Variants in WNK1 observed in about 807,000 individuals in gnomAD.
The protein encoded by WNK1 is WNK lysine deficient protein kinase 1.
A neutral mutation model predicts 222.8 loss-of-function variants in WNK1; 38 were observed. That is an observed-to-expected ratio of 0.17 (90% CI 0.13 to 0.22). WNK1 has a LOEUF of 0.22. Ranked by LOEUF, WNK1 falls within the 10% of genes least tolerant of loss-of-function variation. The pLI is 1.00. For synonymous variants in WNK1, 1,090 were observed against 1,092.9 expected, an observed-to-expected ratio of 1.00 and a Z score of 0.05; for missense variants, 2,348 against 2,918.4, an observed-to-expected ratio of 0.80 and a Z score of 4.50.
At chr12:883,085 T>G in intron 15 of WNK1, 26 bp downstream of exon 15, 1 of 1,502,188 alleles carries the variant, frequency 6.7e-7, no homozygotes, top group Non-Finnish European at 9.3e-7. Context: ...GAGTTCTAGG[T>G]TTTTCCTTAG....
chr12:758,148 G>A (rs1485746139), intron 1 of WNK1, among the ~76,000 whole-genome samples: 2 of 146,120 alleles, frequency 1.4e-5, no homozygotes, highest in Non-Finnish European at 3.0e-5. Context: ...CACATGATGC[G>A]TTATATGTTG....
chr12:875,216 G>A (rs1952497994), intron 9 of WNK1, among the ~76,000 whole-genome samples: 1 of 152,102 alleles, frequency 6.6e-6, no homozygotes, highest in Non-Finnish European at 1.5e-5. Context: ...ATGTATTGGG[G>A]GCTGGGAGCA....
intron 1 of WNK1, among the ~76,000 whole-genome samples, chr12:789,638 T>C (rs1944655375): frequency 6.6e-6 from 1 of 150,840 alleles, no homozygotes; most frequent in Non-Finnish European, 1.5e-5. Context: ...GCTCAAGCAG[T>C]CCTCCCACTG....
chr12:762,947 T>C (rs528164974), intron 1 of WNK1, among the ~76,000 whole-genome samples: 5 of 146,508 alleles, frequency 3.4e-5, no homozygotes, highest in Admixed American at 3.4e-4. Context: ...GGTTTCTCCA[T>C]GTTGGTCAGG....
At chr12:762,063 T>A (rs1344213019) in intron 1 of WNK1, among the ~76,000 whole-genome samples, 3 of 19,098 alleles carry the variant, frequency 1.6e-4, no homozygotes, top group Admixed American at 5.1e-4. Flanking sequence ...TTTAATTTAA[T>A]TTTTTTTTTT....
intron 4 of WNK1, among the ~76,000 whole-genome samples, chr12:837,503 G>GTGACTTGA: frequency 6.6e-6 from 1 of 151,554 alleles, no homozygotes; most frequent in African/African-American, 2.4e-5. Context: ...GAACCCGGGA[G>GTGACTTGA]GCAGAGGTTG....
At chr12:894,116 G>A (rs1333383916) in intron 22 of WNK1, among the ~76,000 whole-genome samples, 1 of 152,102 alleles carries the variant, frequency 6.6e-6, no homozygotes, top group Non-Finnish European at 1.5e-5. Flanking sequence ...TACTCAGGAG[G>A]CTGAGGCAGG....
At chr12:779,683 T>C (rs988191140) in intron 1 of WNK1, among the ~76,000 whole-genome samples, 4 of 152,230 alleles carry the variant, frequency 2.6e-5, no homozygotes, top group African/African-American at 9.6e-5. Flanking sequence ...ATTACAGGCG[T>C]GAGCCACCGC....
At chr12:901,399 A>G (rs544528068) in intron 26 of WNK1, among the ~76,000 whole-genome samples, 1 of 152,326 alleles carries the variant, frequency 6.6e-6, no homozygotes, top group East Asian at 1.9e-4. Context: ...ATTAAGACCT[A>G]ATATTTCATC....
chr12:763,090 C>A (rs1236157390), intron 1 of WNK1, among the ~76,000 whole-genome samples: 1 of 147,140 alleles, frequency 6.8e-6, no homozygotes, highest in African/African-American at 2.4e-5. Context: ...GTTTGCAAGA[C>A]CTCCCGTGGA....
chr12:792,480 AT>A (rs1344937493), intron 1 of WNK1, among the ~76,000 whole-genome samples: 1 of 151,442 alleles, frequency 6.6e-6, no homozygotes. Flanking sequence ...CGCCCAGCTA[AT>A]TTTTTTGTAC....
Position 884,154 on chromosome 12 carries a change from A to G in WNK1, c.3755A>G (p.His1252Arg). ...IPTSSLTQVV[H>R]SAGRRFIVSP... is the part of the protein sequence containing the mutation. ...ACCAGTTCTTTAACTCAAGTTGTTC[A>G]TTCTGCGGGAAGGCGGTTTATAGTG... Residue 1252 changes from histidine to arginine, a missense_variant, in exon 18 of 28, where the codon CAT (histidine) becomes CGT (arginine). Physicochemically the swap from His to Arg is conservative, Grantham distance 29. This residue lies in a region of WNK1 where 1,144 missense variants were observed against 1,273.6 expected (regional missense o/e 0.90). Transcript: ENST00000315939. The surrounding 1 kb of genome is among the most constrained non-coding windows in gnomAD (Gnocchi z 5.6). 1 of 1,614,180 alleles carries G rather than the reference A, an allele frequency of 6.2e-7. No individual in the cohort carries two copies. Among genetic ancestry groups the G allele is most frequent in the Non-Finnish European group, 8.5e-7 (1 of 1,180,030 alleles).
intron 1 of WNK1, among the ~76,000 whole-genome samples, chr12:766,656 T>C (rs1233284311): frequency 6.6e-6 from 1 of 151,936 alleles, no homozygotes; most frequent in Non-Finnish European, 1.5e-5. Flanking sequence ...TTTTTGTTTT[T>C]TTAGTAGAGA....
chr12:800,690 A>C (rs1268077565), intron 1 of WNK1, among the ~76,000 whole-genome samples: 2 of 152,150 alleles, frequency 1.3e-5, no homozygotes, highest in Admixed American at 6.6e-5. Flanking sequence ...GCTCATAGTA[A>C]GCCTCATTAC....
chr12:897,549 G>C lies in WNK1; in HGVS notation c.6316G>C (p.Gly2106Arg), dbSNP rs752925467. The C allele has an allele frequency of 6.2e-7, 1 of 1,613,480 alleles. No individual in the cohort carries two copies. The highest frequency in any genetic ancestry group is 2.2e-5 in the East Asian group (1 of 44,876). Reference sequence around the variant, plus strand: ...AATTGAATCTTTGTATACCAAACTGGGCAAGGTGCCCCCTGCTGTTATTAT... The same window carrying C: ...AATTGAATCTTTGTATACCAAACTGCGCAAGGTGCCCCCTGCTGTTATTAT... ...HEIESLYTKL[G>R]KVPPAVIIPP... Residue 2106 changes from glycine (G) to arginine (R), a missense_variant, in exon 25 of 28, where the codon GGC becomes CGC. By Grantham distance (125) the Gly-to-Arg change is moderately radical (BLOSUM62 -2). Coordinates refer to ENST00000315939, the MANE Select transcript of WNK1 (RefSeq NM_018979.4).
chr12:762,655 C>T (rs1941180420), intron 1 of WNK1, among the ~76,000 whole-genome samples: 1 of 147,064 alleles, frequency 6.8e-6, no homozygotes. Flanking sequence ...AGTAATTGCC[C>T]AAAAATAGAT....
At chr12:791,010 T>C (rs937581049) in intron 1 of WNK1, among the ~76,000 whole-genome samples, 4 of 152,164 alleles carry the variant, frequency 2.6e-5, no homozygotes, top group African/African-American at 9.7e-5. Flanking sequence ...AAATGTGCTA[T>C]GTTTGGATTC....
intron 1 of WNK1, among the ~76,000 whole-genome samples, chr12:800,011 G>T (rs1945719442): frequency 6.6e-6 from 1 of 152,094 alleles, no homozygotes; most frequent in African/African-American, 2.4e-5. Context: ...AGGCACAGTG[G>T]TGCGCACCCA....
chr12:809,290 A>G (rs1326416076), intron 1 of WNK1, among the ~76,000 whole-genome samples: 1 of 143,790 alleles, frequency 7.0e-6, no homozygotes, highest in Non-Finnish European at 1.5e-5. Flanking sequence ...TTTCAGAATG[A>G]TAGGTAAAAG....
Sources: gnomAD v4.1 joint callset for allele counts (sites outside exome capture counted in the v4.1 genomes callset) on GRCh38, gnomAD v4.1.1 for gene constraint, gnomAD v4.1.1 regional missense constraint, Gnocchi (gnomAD v3.1) non-coding constraint, MANE v1.5 for transcripts, NCBI Gene and HGNC (gene_info 2026-07-23, HGNC 2026-07-21) for gene names.